DAGLA: variants seen among roughly 807,000 people sequenced by gnomAD.
The protein encoded by DAGLA is diacylglycerol lipase alpha.
Under a neutral mutation model 102.6 loss-of-function variants are expected in DAGLA, and 22 were observed. The observed-to-expected ratio is 0.21, with a 90% CI of 0.15 to 0.31. The LOEUF is 0.31. Ranked by LOEUF, DAGLA falls within the 10% of genes least tolerant of loss-of-function variation. The pLI, the probability that DAGLA is intolerant of heterozygous loss-of-function variation, is 1.00. For synonymous variants in DAGLA, 578 were observed against 628.9 expected, an observed-to-expected ratio of 0.92 and a Z score of 1.21; for missense variants, 927 against 1,446.6, an observed-to-expected ratio of 0.64 and a Z score of 5.83.
At chr11:61,738,233 C>G (rs2065443048) in intron 16 of DAGLA, 26 bp downstream of exon 16, 2 of 1,590,320 alleles carry the variant, frequency 1.3e-6, no homozygotes, top group Non-Finnish European at 1.7e-6. Context: ...GGCACCCTGC[C>G]TCTGTGCAGC....
intron 1 of DAGLA, among the ~76,000 whole-genome samples, chr11:61,685,324 G>A (rs781382281): frequency 1.2e-4 from 18 of 152,098 alleles, no homozygotes; most frequent in Admixed American, 9.2e-4. Context: ...TCTTGCGGCC[G>A]GAATCCTTTC....
In DAGLA at chr11:61,728,206, C is replaced by T; in HGVS notation, c.690C>T (p.Asp230=). Residue 230 remains aspartate, a synonymous_variant, in exon 7 of 20, where the codon GAC becomes GAT. Transcript: ENST00000257215. ...TTGCGGAGTTCTTCCGGGACCTTGACATTGTGCCATCCGACATCATTGCTG... is the reference window on the plus strand; with the variant it reads ...TTGCGGAGTTCTTCCGGGACCTTGATATTGTGCCATCCGACATCATTGCTG... The part of the protein sequence containing the change: ...YLFAEFFRDL[D]IVPSDIIAGL... The T allele has an allele frequency of 6.2e-7, 1 of 1,614,186 alleles. No individual in the cohort carries two copies. Among genetic ancestry groups the T allele is most frequent in the Non-Finnish European group, 8.5e-7 (1 of 1,180,022 alleles).
At chr11:61,717,981 C>T (rs1366394923) in intron 1 of DAGLA, among the ~76,000 whole-genome samples, 1 of 152,142 alleles carries the variant, frequency 6.6e-6, no homozygotes, top group Admixed American at 6.5e-5. Flanking sequence ...GAGGGGAGTG[C>T]AGAGTGAGTG....
rs1242022783 is a variant in DAGLA, at chr11:61,720,118, A to G, written c.-38A>G. ...GTCCTCTGCTTTCTTTCAGGAGGTG[A>G]GCACCAGGCCCACTGAGCCTCTGCA... On this transcript the variant is annotated 5_prime_UTR_variant, in exon 2 of 20. Transcript: ENST00000257215. The G allele has an allele frequency of 6.2e-7, 1 of 1,601,006 alleles. No individual in the cohort carries two copies. Among genetic ancestry groups the G allele is most frequent in the African/African-American group, 1.3e-5 (1 of 74,894 alleles).
At chr11:61,705,964 C>G (rs898239019) in intron 1 of DAGLA, among the ~76,000 whole-genome samples, 1 of 152,250 alleles carries the variant, frequency 6.6e-6, no homozygotes, top group Admixed American at 6.5e-5. Flanking sequence ...TGCTCCTGGG[C>G]CAGCCCAGCC....
At chr11:61,682,873 T>A (rs577053175) in intron 1 of DAGLA, among the ~76,000 whole-genome samples, 1 of 149,878 alleles carries the variant, frequency 6.7e-6, no homozygotes, top group Non-Finnish European at 1.5e-5. Flanking sequence ...GTGTGGAGGA[T>A]GCCCTCAGAC....
In DAGLA at chr11:61,703,196, G is replaced by A. The variant is rs557035293; in HGVS notation, c.-44-16916G>A. ...CCAACCTGCCAAACCTTTACTCAGT[G>A]CAGGGAACCTGGCAAGGAAGAAAAC... On this transcript the variant is annotated intron_variant, in intron 1 of 19. Transcript: ENST00000257215. Among the ~76,000 whole-genome samples, 11 of 152,338 alleles carry A rather than the reference G, an allele frequency of 7.2e-5. No homozygotes were observed. In the South Asian group the frequency reaches 1.9e-3, roughly 26 times the overall value.
In DAGLA at chr11:61,703,693, G is replaced by GGATGGATA. The variant is rs1161203275; in HGVS notation, c.-44-16412_-44-16411insAGATGGAT. On this transcript the variant is annotated intron_variant, in intron 1 of 19. Transcript: ENST00000257215. ...AGGATGGAGGAATGGATGGATGGAT[G>GGATGGATA]GATGGATGGATGGATGGATGGATGA... Among the ~76,000 whole-genome samples, 547 of 151,920 alleles carry GGATGGATA rather than the reference G, an allele frequency of 3.6e-3. 2 individuals carry two copies. The highest frequency in any genetic ancestry group is 5.2e-3 in the Non-Finnish European group (353 of 67,912).
At chr11:61,695,234 A>C (rs2065055268) in intron 1 of DAGLA, among the ~76,000 whole-genome samples, 2 of 152,218 alleles carry the variant, frequency 1.3e-5, no homozygotes, top group South Asian at 4.1e-4. Context: ...GAGGGGAGCC[A>C]GCTTTGCTTT....
At chr11:61,713,978 G>T (rs535434389) in intron 1 of DAGLA, among the ~76,000 whole-genome samples, 1 of 152,186 alleles carries the variant, frequency 6.6e-6, no homozygotes, top group Non-Finnish European at 1.5e-5. Flanking sequence ...ATGGAAATGG[G>T]AGTCCTGGGC....
rs1315982058 is a variant in DAGLA, at chr11:61,686,716, C to T, written c.-45+6212C>T. ...TGTAAGGTGAGACAGGATGCTGCCT[C>T]GAATTCATCCTGAATGGGCCCCTCG... On this transcript the variant is annotated intron_variant, in intron 1 of 19. Coordinates refer to ENST00000257215, the MANE Select transcript of DAGLA (RefSeq NM_006133.3). This position sits in a 1 kb window ranked among gnomAD's most constrained non-coding sequence, Gnocchi z 5.2. Among the ~76,000 whole-genome samples the T allele has an allele frequency of 1.3e-5, 2 of 152,160 alleles. No homozygotes were observed. The highest frequency in any genetic ancestry group is 2.9e-5 in the Non-Finnish European group (2 of 68,034).
chr11:61,732,221 TCTTTC>T (rs1256601707), intron 9 of DAGLA, among the ~76,000 whole-genome samples: 10 of 152,150 alleles, frequency 6.6e-5, no homozygotes, highest in Non-Finnish European at 1.2e-4. Flanking sequence ...GGCAGCAGCT[TCTTTC>T]CTTGACACCC....
intron 1 of DAGLA, among the ~76,000 whole-genome samples, chr11:61,719,103 A>G (rs1350578189): frequency 6.6e-6 from 1 of 152,110 alleles, no homozygotes; most frequent in African/African-American, 2.4e-5. Context: ...GGAGCCCTTT[A>G]TGGGTATCTC....
chr11:61,741,758 C>G (rs1463866402), intron 19 of DAGLA, among the ~76,000 whole-genome samples: 1 of 152,024 alleles, frequency 6.6e-6, no homozygotes, highest in Non-Finnish European at 1.5e-5. Context: ...ATTACAGGCG[C>G]CTGCCACCGT....
rs1031269414 is a variant in DAGLA at position 61,686,339 on chromosome 11, C to T, written c.-45+5835C>T. ...CGTCAGTGCTGGGCGGGAGTGTGAA[C>T]GGCAGGCTTTCAGGGCTGCCCTCGA... On this transcript the variant is annotated intron_variant, in intron 1 of 19. Transcript: ENST00000257215. This position sits in a 1 kb window ranked among gnomAD's most constrained non-coding sequence, Gnocchi z 5.2. Among the ~76,000 whole-genome samples the T allele has an allele frequency of 7.9e-5, 12 of 152,120 alleles. No individual in the cohort carries two copies. Among genetic ancestry groups the T allele is most frequent in the African/African-American group, 2.7e-4 (11 of 41,414 alleles).
At chr11:61,714,525 G>C (rs1292839388) in intron 1 of DAGLA, among the ~76,000 whole-genome samples, 1 of 152,244 alleles carries the variant, frequency 6.6e-6, no homozygotes, top group Non-Finnish European at 1.5e-5. Flanking sequence ...GCATCTTCAA[G>C]ATCGTGAAAG....
At chr11:61,730,460 C>T (rs1472074054) in intron 8 of DAGLA, among the ~76,000 whole-genome samples, 1 of 152,160 alleles carries the variant, frequency 6.6e-6, no homozygotes, top group African/African-American at 2.4e-5. Flanking sequence ...ATGTTTCCAC[C>T]CCTCCGGGCC....
At chr11:61,729,282 C>CA (rs909604589) in intron 8 of DAGLA, among the ~76,000 whole-genome samples, 6 of 152,230 alleles carry the variant, frequency 3.9e-5, no homozygotes, top group African/African-American at 1.4e-4. Flanking sequence ...AGCACTTTAC[C>CA]AGGGTGAGCT....
chr11:61,720,847 G>A lies in DAGLA; in HGVS notation c.264G>A (p.Thr88=), dbSNP rs774822524. 1.9e-5 allele frequency: 30 copies of A among 1,613,370 alleles called. No individual in the cohort carries two copies. The highest frequency in any genetic ancestry group is 1.3e-4 in the Admixed American group (8 of 60,010). The change falls in exon 3 of 20, where the codon ACG becomes ACA. Residue 88 remains threonine (T), a synonymous_variant. Transcript: ENST00000257215. ...GCATGCGCGGGGGCATCCTCTACACGGAGCCCCGTGACTCCATGCAGTACG... is the reference window on the plus strand; with the variant it reads ...GCATGCGCGGGGGCATCCTCTACACAGAGCCCCGTGACTCCATGCAGTACG... The part of the protein sequence containing the change: ...WLSMRGGILY[T]EPRDSMQYVL...
Sources: gnomAD v4.1 joint callset for allele counts (sites outside exome capture counted in the v4.1 genomes callset) on GRCh38, gnomAD v4.1.1 for gene constraint, Gnocchi (gnomAD v3.1) non-coding constraint, MANE v1.5 for transcripts, NCBI Gene and HGNC (gene_info 2026-07-23, HGNC 2026-07-21) for gene names.